ANKS1A: variants seen among roughly 807,000 people sequenced by gnomAD.
The protein encoded by ANKS1A is ankyrin repeat and SAM domain-containing protein 1A.
A neutral mutation model predicts 120.3 loss-of-function variants in ANKS1A; 55 were observed. That is an observed-to-expected ratio of 0.46 (90% CI 0.37 to 0.57). The LOEUF (loss-of-function observed/expected upper bound fraction) is 0.57. ANKS1A is among the 20% of genes least tolerant of loss of function. The pLI is 0.00. For missense variants in ANKS1A, 1,123 were observed against 1,480.3 expected (o/e 0.76, Z 3.96); for synonymous variants, 590 against 604.7 (o/e 0.98, Z 0.36).
At chr6:35,028,643 G>A (rs1774747213) in intron 11 of ANKS1A, among the ~76,000 whole-genome samples, 1 of 152,152 alleles carries the variant, frequency 6.6e-6, no homozygotes, top group African/African-American at 2.4e-5. Context: ...AAGCATTTCT[G>A]ACATGTTAAG....
chr6:34,982,725 C>G lies in ANKS1A; in HGVS notation c.733-27C>G. On this transcript the variant is annotated intron_variant, in intron 4 of 23. Transcript: ENST00000360359. This position sits in a 1 kb window ranked among gnomAD's most constrained non-coding sequence, Gnocchi z 4.9. ...GCACCAAACTGTTCTGATGACATCC[C>G]GCTCTGCGCTCTCGTTTGCTTTCCA... The G allele has an allele frequency of 6.2e-7, 1 of 1,613,754 alleles. No individual in the cohort carries two copies. The highest frequency in any genetic ancestry group is 8.5e-7 in the Non-Finnish European group (1 of 1,179,614).
chr6:35,055,555 CCTG>C (rs2127587679), intron 12 of ANKS1A, among the ~76,000 whole-genome samples: 1 of 152,280 alleles, frequency 6.6e-6, no homozygotes, highest in Non-Finnish European at 1.5e-5. Flanking sequence ...GTCTTGAACT[CCTG>C]ACCTCGTGAT....
At chr6:35,051,717 G>A in intron 11 of ANKS1A, among the ~76,000 whole-genome samples, 1 of 152,212 alleles carries the variant, frequency 6.6e-6, no homozygotes, top group East Asian at 1.9e-4. Flanking sequence ...ATAGAATGCG[G>A]AGAGGCAACT....
At chr6:34,913,664 T>C (rs929369571) in intron 1 of ANKS1A, among the ~76,000 whole-genome samples, 3 of 152,054 alleles carry the variant, frequency 2.0e-5, no homozygotes, top group African/African-American at 7.2e-5. Context: ...TGAGACAGAG[T>C]TTTGCTCTGT....
chr6:35,021,087 CAA>C (rs1341470247), intron 11 of ANKS1A, among the ~76,000 whole-genome samples: 1 of 152,140 alleles, frequency 6.6e-6, no homozygotes, highest in Non-Finnish European at 1.5e-5. Flanking sequence ...AGAGAAACTC[CAA>C]AAGTGTTTCC....
Position 35,085,823 on chromosome 6 carries a change from T to C in ANKS1A, c.3190T>C (p.Leu1064=), listed in dbSNP as rs1432470922. 1.2e-6 allele frequency: 2 copies of C among 1,612,998 alleles called. No homozygotes were observed. The highest frequency in any genetic ancestry group is 8.5e-7 in the Non-Finnish European group (1 of 1,179,604). The part of the protein sequence containing the change: ...LGQAFEVAYQ[L]ALQAQKSRAT... ...GCAGGCCTTCGAAGTGGCCTATCAG[T>C]TGGCCCTGCAGGCCCAGAAGTCCAG... Residue 1064 remains leucine (L), a synonymous_variant, in exon 22 of 24, where the codon TTG becomes CTG. Coordinates refer to ENST00000360359, the MANE Select transcript of ANKS1A (RefSeq NM_015245.3). This position sits in a 1 kb window ranked among gnomAD's most constrained non-coding sequence, Gnocchi z 4.7.
chr6:34,924,063 C>T (rs561323585), intron 1 of ANKS1A, among the ~76,000 whole-genome samples: 10 of 151,154 alleles, frequency 6.6e-5, no homozygotes, highest in African/African-American at 2.4e-4. Flanking sequence ...ATCTATTGCA[C>T]TTGACATAGA....
At chr6:34,913,091 A>C (rs1007848943) in intron 1 of ANKS1A, among the ~76,000 whole-genome samples, 5 of 152,362 alleles carry the variant, frequency 3.3e-5, no homozygotes, top group South Asian at 2.1e-4. Flanking sequence ...GTACAGAAAG[A>C]TGATCAAATA....
chr6:35,016,931 ACC>A (rs1774040452), intron 10 of ANKS1A, among the ~76,000 whole-genome samples: 3 of 113,822 alleles, frequency 2.6e-5, no homozygotes, highest in Non-Finnish European at 5.3e-5. Flanking sequence ...GTGGATCATG[ACC>A]TCTTTTTTTT....
At chr6:34,988,861 T>C (rs563967502) in intron 8 of ANKS1A, among the ~76,000 whole-genome samples, 3 of 152,342 alleles carry the variant, frequency 2.0e-5, no homozygotes, top group Non-Finnish European at 2.9e-5. Flanking sequence ...CTTTCTAGAG[T>C]AGACTGAAAA....
chr6:34,907,345 T>C (rs569147520), intron 1 of ANKS1A, among the ~76,000 whole-genome samples: 2 of 152,330 alleles, frequency 1.3e-5, no homozygotes, highest in East Asian at 1.9e-4. Flanking sequence ...TTTTGATCAA[T>C]GTACAGTCAT....
At position 35,088,657 on chromosome 6, in the gene ANKS1A, T is replaced by C. The variant is rs746304900; in HGVS notation, c.*48T>C. On this transcript the variant is annotated 3_prime_UTR_variant, in exon 24 of 24. Coordinates refer to ENST00000360359, the MANE Select transcript of ANKS1A (RefSeq NM_015245.3). Reference sequence around the variant, plus strand: ...CTGCGGAAACATAGACGTGGGGGCATAGGCTCCCACTGCCACCACCGCCAT... The same window carrying C: ...CTGCGGAAACATAGACGTGGGGGCACAGGCTCCCACTGCCACCACCGCCAT... The C allele has an allele frequency of 2.4e-5, 39 of 1,614,142 alleles. No homozygotes were observed. The highest frequency in any genetic ancestry group is 3.2e-5 in the Non-Finnish European group (38 of 1,180,022).
chr6:34,941,924 C>G (rs1326456728), intron 1 of ANKS1A, among the ~76,000 whole-genome samples: 1 of 152,144 alleles, frequency 6.6e-6, no homozygotes, highest in East Asian at 1.9e-4. Flanking sequence ...GATCCAGCAC[C>G]TCTAGGAGCT....
chr6:35,024,903 A>ATTG (rs1774535659), intron 11 of ANKS1A, among the ~76,000 whole-genome samples: 1 of 152,232 alleles, frequency 6.6e-6, no homozygotes, highest in African/African-American at 2.4e-5. Context: ...CCCACGCCAT[A>ATTG]TTCTGCAATG....
At chr6:34,941,520 G>A (rs899945162) in intron 1 of ANKS1A, among the ~76,000 whole-genome samples, 2 of 151,744 alleles carry the variant, frequency 1.3e-5, no homozygotes, top group African/African-American at 4.8e-5. Context: ...CTCCCACCTC[G>A]GCCTCACAAA....
intron 13 of ANKS1A, among the ~76,000 whole-genome samples, chr6:35,070,524 C>G (rs968276299): frequency 1.5e-4 from 17 of 112,910 alleles, no homozygotes; most frequent in Admixed American, 7.9e-4. Flanking sequence ...CAGTCTCACT[C>G]TGTTGCCCAG....
intron 1 of ANKS1A, among the ~76,000 whole-genome samples, chr6:34,922,852 C>T (rs1333811503): frequency 1.3e-5 from 2 of 152,148 alleles, no homozygotes; most frequent in African/African-American, 2.4e-5. Flanking sequence ...TACCACCACA[C>T]CTGGCTAATT....
chr6:35,055,486 C>T (rs9368846), intron 12 of ANKS1A, among the ~76,000 whole-genome samples: 4 of 151,920 alleles, frequency 2.6e-5, no homozygotes, highest in Non-Finnish European at 4.4e-5. Flanking sequence ...TGTAACACCA[C>T]GCCTGGCTGA....
intron 1 of ANKS1A, among the ~76,000 whole-genome samples, chr6:34,959,289 A>G (rs144574954): frequency 2.6e-4 from 39 of 152,314 alleles, no homozygotes; most frequent in African/African-American, 9.1e-4. Flanking sequence ...TAAATGTAGT[A>G]GGTTTGTTAT....
Sources: allele counts gnomAD v4.1 joint callset (sites outside exome capture counted in the v4.1 genomes callset), GRCh38; gene constraint gnomAD v4.1.1; non-coding constraint Gnocchi (gnomAD v3.1); transcripts MANE v1.5; gene names NCBI Gene and HGNC (gene_info 2026-07-23, HGNC 2026-07-21).